ANKS1B: variants seen among roughly 807,000 people sequenced by gnomAD.
ANKS1B encodes ankyrin repeat and sterile alpha motif domain-containing protein 1B.
Under a neutral mutation model 148.3 loss-of-function variants are expected in ANKS1B, and 36 were observed. That is an observed-to-expected ratio of 0.24 (90% confidence interval 0.19 to 0.32). ANKS1B has a LOEUF of 0.32. Among genes scored for constraint, ANKS1B ranks in the 10% least tolerant of loss-of-function variants. The pLI is 1.00. For missense variants in ANKS1B, 1,157 were observed against 1,542.6 expected (o/e 0.75, Z 4.19); for synonymous variants, 542 against 560.8 (o/e 0.97, Z 0.47).
chr12:99,486,766 T>A (rs1464394528), intron 10 of ANKS1B, among the ~76,000 whole-genome samples: 2 of 152,194 alleles, frequency 1.3e-5, no homozygotes, highest in Non-Finnish European at 2.9e-5. Flanking sequence ...CCTGTCCTAG[T>A]GCTCTGGCTA....
intron 15 of ANKS1B, among the ~76,000 whole-genome samples, chr12:99,090,931 C>T (rs2053779409): frequency 6.6e-6 from 1 of 152,132 alleles, no homozygotes; most frequent in East Asian, 1.9e-4. Flanking sequence ...CTTCCTCTCT[C>T]ACATTAATGA....
rs1411684849 is a variant in ANKS1B at position 99,178,568 on chromosome 12, A to T, written c.2420-24173T>A. On this transcript the variant is annotated intron_variant, in intron 14 of 26. Coordinates refer to ENST00000683438, the MANE Select transcript of ANKS1B (RefSeq NM_001352186.2). ...ATGCTGAATAAATTAAAATAATTTC[A>T]GGCACTATCAACTTTGTTGTTGTAT... 2.0e-5 allele frequency among the ~76,000 whole-genome samples: 3 copies of T among 152,246 alleles called. No individual in the cohort carries two copies. The East Asian group carries it at 5.8e-4, about 29-fold the overall frequency.
intron 1 of ANKS1B, among the ~76,000 whole-genome samples, chr12:99,829,759 G>A (rs1016458400): frequency 1.3e-5 from 2 of 152,206 alleles, no homozygotes; most frequent in African/African-American, 2.4e-5. Flanking sequence ...GAACCTGGGA[G>A]GCAGAGGTTG....
chr12:99,374,225 T>C (rs2152482985), intron 12 of ANKS1B, among the ~76,000 whole-genome samples: 2 of 152,312 alleles, frequency 1.3e-5, no homozygotes, highest in Middle Eastern at 6.8e-3. Context: ...AATAATGTTG[T>C]TTCATTCAAA....
chr12:98,963,967 C>G (rs891356204), intron 17 of ANKS1B, among the ~76,000 whole-genome samples: 1 of 152,080 alleles, frequency 6.6e-6, no homozygotes, highest in Non-Finnish European at 1.5e-5. Flanking sequence ...GGTATGGTGG[C>G]CCATGCCTGT....
At chr12:99,796,553 T>C (rs2066277489) in intron 4 of ANKS1B, among the ~76,000 whole-genome samples, 1 of 151,942 alleles carries the variant, frequency 6.6e-6, no homozygotes, top group African/African-American at 2.4e-5. Context: ...AAAATTCATA[T>C]ATCCTATGAG....
intron 9 of ANKS1B, among the ~76,000 whole-genome samples, chr12:99,608,136 C>G (rs2097864738): frequency 6.6e-6 from 1 of 152,030 alleles, no homozygotes; most frequent in African/African-American, 2.4e-5. Context: ...TCACAATGTA[C>G]CTTGTTGCAT....
intron 8 of ANKS1B, among the ~76,000 whole-genome samples, chr12:99,695,573 A>T (rs959371361): frequency 1.3e-5 from 2 of 152,188 alleles, no homozygotes; most frequent in Non-Finnish European, 2.9e-5. Context: ...AAAGATTCAG[A>T]TTTTTTTAAA....
intron 12 of ANKS1B, among the ~76,000 whole-genome samples, chr12:99,264,434 T>G (rs1458586544): frequency 6.6e-6 from 1 of 152,160 alleles, no homozygotes; most frequent in East Asian, 1.9e-4. Context: ...TTTTTTGCCT[T>G]CTTTACAGTT....
chr12:99,830,675 T>C (rs1435835092), intron 1 of ANKS1B, among the ~76,000 whole-genome samples: 5 of 150,004 alleles, frequency 3.3e-5, no homozygotes, highest in East Asian at 2.0e-4. Context: ...ATTCAATAAA[T>C]AGTCCCGAGA....
At chr12:98,825,554 G>A (rs2099241743) in intron 19 of ANKS1B, among the ~76,000 whole-genome samples, 1 of 152,048 alleles carries the variant, frequency 6.6e-6, no homozygotes, top group South Asian at 2.1e-4. Flanking sequence ...TTACTGTTGA[G>A]AAGCCTTTGT....
At chr12:98,830,642 G>T (rs574780230) in intron 18 of ANKS1B, among the ~76,000 whole-genome samples, 1 of 152,304 alleles carries the variant, frequency 6.6e-6, no homozygotes, top group South Asian at 2.1e-4. Flanking sequence ...ACGTCCGGGT[G>T]CCGTGCTTGT....
intron 17 of ANKS1B, chr12:98,894,876 G>T (rs1189610477): frequency 3.1e-6 from 3 of 977,246 alleles, no homozygotes; most frequent in Non-Finnish European, 3.6e-6. Flanking sequence ...AGCTCCCCGG[G>T]CCCGCGCGCG....
intron 18 of ANKS1B, chr12:98,831,820 C>T (rs577152037): frequency 2.7e-5 from 16 of 582,134 alleles, no homozygotes; most frequent in Non-Finnish European, 5.0e-5. Context: ...GCGATCTCTG[C>T]TCACTGCAAT....
intron 17 of ANKS1B, among the ~76,000 whole-genome samples, chr12:98,958,412 A>G (rs2099865970): frequency 6.6e-6 from 1 of 152,228 alleles, no homozygotes; most frequent in Non-Finnish European, 1.5e-5. Flanking sequence ...CGAATGTGAT[A>G]GGCAGTCAAC....
intron 17 of ANKS1B, among the ~76,000 whole-genome samples, chr12:98,916,703 T>C (rs2099794876): frequency 6.6e-6 from 1 of 152,242 alleles, no homozygotes; most frequent in Non-Finnish European, 1.5e-5. Context: ...AACATGGTGC[T>C]GGTGAAACTC....
At chr12:98,747,579 T>C (rs1367293306) in intron 26 of ANKS1B, among the ~76,000 whole-genome samples, 3 of 152,218 alleles carry the variant, frequency 2.0e-5, no homozygotes, top group African/African-American at 7.2e-5. Flanking sequence ...TGAGCTACCA[T>C]ATGTTCCAGC....
intron 16 of ANKS1B, among the ~76,000 whole-genome samples, chr12:99,069,777 T>A (rs1599389758): frequency 6.6e-6 from 1 of 152,348 alleles, no homozygotes; most frequent in East Asian, 1.9e-4. Context: ...AATAGACTTG[T>A]GTGAAATAGT....
chr12:99,815,399 C>G (rs922608590), intron 2 of ANKS1B, among the ~76,000 whole-genome samples: 14 of 151,754 alleles, frequency 9.2e-5, no homozygotes, highest in African/African-American at 3.4e-4. Flanking sequence ...AAGATCCTAA[C>G]TACACATTAT....
Sources: allele counts gnomAD v4.1 joint callset (sites outside exome capture counted in the v4.1 genomes callset), GRCh38; gene constraint gnomAD v4.1.1; transcripts MANE v1.5; gene names NCBI Gene and HGNC (gene_info 2026-07-23, HGNC 2026-07-21).